Variants in ZNG1A observed in about 807,000 individuals in gnomAD.
The protein encoded by ZNG1A is zinc-regulated GTPase metalloprotein activator 1A.
chr9:141,401 A>C, the ZNG1A span, among the ~76,000 whole-genome samples: 1 of 149,978 alleles, frequency 6.7e-6, no homozygotes, highest in Non-Finnish European at 1.5e-5. Flanking sequence ...ATTCTGAAAG[A>C]AAAGAATTTT....
chr9:146,197 T>A, the ZNG1A span: 2 of 1,584,446 alleles, frequency 1.3e-6, no homozygotes, highest in Non-Finnish European at 1.7e-6. Flanking sequence ...TTGGAAATTC[T>A]GTGAAATACA....
the ZNG1A span, chr9:178,698 C>G: frequency 0.01 from 10,424 of 1,038,380 alleles, 2,357 homozygotes; most frequent in African/African-American, 0.14. Context: ...GCCCCGACCT[C>G]GAAGACATTT....
the ZNG1A span, among the ~76,000 whole-genome samples, chr9:157,190 C>A: frequency 7.2e-6 from 1 of 139,646 alleles, no homozygotes; most frequent in African/African-American, 2.7e-5. Context: ...ATTTTACTGA[C>A]CTCTCCAGAG....
chr9:170,737 G>C, the ZNG1A span, among the ~76,000 whole-genome samples: 2 of 139,832 alleles, frequency 1.4e-5, no homozygotes, highest in Non-Finnish European at 3.1e-5. Context: ...TTTCTTCTTT[G>C]TATTTTTTAG....
At chr9:152,488 T>C in the ZNG1A span, among the ~76,000 whole-genome samples, 6 of 152,140 alleles carry the variant, frequency 3.9e-5, no homozygotes, top group East Asian at 9.7e-4. Flanking sequence ...GAAATGGCTA[T>C]ATACACACTA....
the ZNG1A span, among the ~76,000 whole-genome samples, chr9:141,044 A>G: frequency 7.2e-6 from 1 of 138,110 alleles, no homozygotes; most frequent in Non-Finnish European, 1.5e-5. Flanking sequence ...GACTATGTGA[A>G]AAGACCAAAT....
At chr9:178,582 G>GTTTTT in the ZNG1A span, among the ~76,000 whole-genome samples, 4 of 110,110 alleles carry the variant, frequency 3.6e-5, no homozygotes, top group African/African-American at 1.1e-4. Context: ...TTGCTTCAAA[G>GTTTTT]GCTAACTTTC....
the ZNG1A span, among the ~76,000 whole-genome samples, chr9:145,341 A>C: frequency 6.6e-6 from 1 of 150,406 alleles, no homozygotes; most frequent in Non-Finnish European, 1.5e-5. Flanking sequence ...AATGTGGCAC[A>C]TATACACCAT....
chr9:158,999 T>G, the ZNG1A span, among the ~76,000 whole-genome samples: 1 of 152,088 alleles, frequency 6.6e-6, no homozygotes, highest in African/African-American at 2.4e-5. Flanking sequence ...TCTATACCAT[T>G]TGGTCATTAA....
At chr9:127,515 G>A in the ZNG1A span, among the ~76,000 whole-genome samples, 1 of 152,150 alleles carries the variant, frequency 6.6e-6, no homozygotes, top group African/African-American at 2.4e-5. Flanking sequence ...CACATTTGGT[G>A]TCCGTTTGCA....
At chr9:178,379 C>G in the ZNG1A span, among the ~76,000 whole-genome samples, 1 of 151,516 alleles carries the variant, frequency 6.6e-6, no homozygotes, top group Non-Finnish European at 1.5e-5. Flanking sequence ...AATCTACTGA[C>G]GAAAGCCCCA....
the ZNG1A span, chr9:156,577 T>C: frequency 1.3e-5 from 20 of 1,576,130 alleles, no homozygotes; most frequent in Non-Finnish European, 1.6e-5. Context: ...ATAAAAAATC[T>C]AATGTCAACA....
the ZNG1A span, among the ~76,000 whole-genome samples, chr9:142,244 T>A: frequency 2.2e-5 from 3 of 136,446 alleles, no homozygotes; most frequent in Non-Finnish European, 4.6e-5. Context: ...TATACATTCT[T>A]TTCAGCACCA....
At chr9:175,317 G>A in the ZNG1A span, among the ~76,000 whole-genome samples, 10 of 151,654 alleles carry the variant, frequency 6.6e-5, no homozygotes, top group Admixed American at 1.3e-4. Flanking sequence ...GACAGAGGTG[G>A]CAGTGAGCTG....
the ZNG1A span, among the ~76,000 whole-genome samples, chr9:131,424 T>C: frequency 1.3e-5 from 2 of 150,582 alleles, no homozygotes; most frequent in African/African-American, 5.0e-5. Context: ...ATACAATAAC[T>C]TTTATAGGTT....
the ZNG1A span, chr9:149,142 G>A: frequency 3.3e-5 from 5 of 151,212 alleles, no homozygotes; most frequent in Admixed American, 6.6e-5. Context: ...TACCCGACCT[G>A]TTGCTCCTCC....
chr9:137,469 T>C, the ZNG1A span, among the ~76,000 whole-genome samples: 1 of 151,672 alleles, frequency 6.6e-6, no homozygotes, highest in Admixed American at 6.6e-5. Context: ...CTATCAAAAC[T>C]GCCCACAGCA....
the ZNG1A span, chr9:156,494 T>C: frequency 6.3e-7 from 1 of 1,595,624 alleles, no homozygotes; most frequent in East Asian, 2.2e-5. Context: ...GTAGCTTCAT[T>C]GATAAGGCCA....
the ZNG1A span, among the ~76,000 whole-genome samples, chr9:170,338 T>C: frequency 7.0e-6 from 1 of 143,866 alleles, no homozygotes. Flanking sequence ...TACCTACTTG[T>C]GTGTGTGTGT....
Sources: allele counts gnomAD v4.1 joint callset (sites outside exome capture counted in the v4.1 genomes callset), GRCh38; gene constraint gnomAD v4.1.1; transcripts MANE v1.5; gene names NCBI Gene and HGNC (gene_info 2026-07-23, HGNC 2026-07-21).